Variants in ZFHX3 observed in about 807,000 individuals in gnomAD.
The protein encoded by ZFHX3 is zinc finger homeobox 3, also known as zinc finger homeobox protein 3.
A neutral mutation model predicts 279.1 loss-of-function variants in ZFHX3; 42 were observed. That is an observed-to-expected ratio of 0.15 (90% CI 0.12 to 0.19). The LOEUF (loss-of-function observed/expected upper bound fraction) is 0.19. Among genes scored for constraint, ZFHX3 ranks in the 10% least tolerant of loss-of-function variants. ZFHX3 has a pLI of 1.00. For synonymous variants in ZFHX3, 2,293 were observed against 1,957.8 expected (o/e 1.17, Z -4.52); for missense variants, 4,981 against 4,754.0 (o/e 1.05, Z -1.40).
At chr16:73,388,120 G>A (rs1447970084) in intron 3 of ZFHX3, among the ~76,000 whole-genome samples, 3 of 152,090 alleles carry the variant, frequency 2.0e-5, no homozygotes, top group Admixed American at 6.5e-5. Flanking sequence ...GAAGCAATGC[G>A]GCAGGCTATT....
chr16:73,657,869 T>A (rs2052738550), intron 2 of ZFHX3, among the ~76,000 whole-genome samples: 1 of 152,230 alleles, frequency 6.6e-6, no homozygotes, highest in African/African-American at 2.4e-5. Flanking sequence ...ATTTGAGCTG[T>A]TTCCACCTTT....
chr16:73,687,439 G>A (rs2053100782), intron 1 of ZFHX3, among the ~76,000 whole-genome samples: 1 of 151,728 alleles, frequency 6.6e-6, no homozygotes, highest in African/African-American at 2.4e-5. Flanking sequence ...AATTTATCCT[G>A]TGTTGTTACA....
intron 3 of ZFHX3, among the ~76,000 whole-genome samples, chr16:73,437,641 A>G (rs1459823703): frequency 6.6e-6 from 1 of 152,078 alleles, no homozygotes; most frequent in Non-Finnish European, 1.5e-5. Context: ...TGACATTTAC[A>G]TTTCATTCCA....
chr16:73,643,402 T>TA (rs1300801058), intron 2 of ZFHX3, among the ~76,000 whole-genome samples: 4 of 152,212 alleles, frequency 2.6e-5, no homozygotes, highest in Non-Finnish European at 5.9e-5. Context: ...TTATAACCAG[T>TA]ATCCAAAGAC....
intron 5 of ZFHX3, among the ~76,000 whole-genome samples, chr16:73,177,167 C>G (rs565878038): frequency 7.1e-6 from 1 of 140,088 alleles, no homozygotes; most frequent in African/African-American, 2.7e-5. Context: ...ACCAACCAAC[C>G]AACCAGCCAA....
At chr16:73,159,108 A>C (rs1377024209) in intron 5 of ZFHX3, among the ~76,000 whole-genome samples, 1 of 152,238 alleles carries the variant, frequency 6.6e-6, no homozygotes, top group Non-Finnish European at 1.5e-5. Flanking sequence ...GAGCATCTGC[A>C]CAACAAAAGA....
chr16:73,767,102 A>G (rs1173920723), intron 1 of ZFHX3, among the ~76,000 whole-genome samples: 1 of 151,814 alleles, frequency 6.6e-6, no homozygotes, highest in Admixed American at 6.6e-5. Context: ...CGCCTGGCTC[A>G]TTTTTTGTAT....
At chr16:73,606,035 T>C (rs1451484426) in intron 2 of ZFHX3, among the ~76,000 whole-genome samples, 1 of 151,218 alleles carries the variant, frequency 6.6e-6, no homozygotes, top group Non-Finnish European at 1.5e-5. Flanking sequence ...TACAAAAAAT[T>C]ACCCCGGCGT....
In ZFHX3 at chr16:72,978,456, C is replaced by A. The variant is rs934214668; in HGVS notation, c.-49-18262G>T. On this transcript the variant is annotated intron_variant, in intron 1 of 9. Coordinates refer to ENST00000268489, the MANE Select transcript of ZFHX3 (RefSeq NM_006885.4). Reference sequence around the variant, plus strand: ...GGAAATTCCATTAGAAGAAAACTTGCAGGCCATAAGCCTCAACTTCCCAGC... The same window carrying A: ...GGAAATTCCATTAGAAGAAAACTTGAAGGCCATAAGCCTCAACTTCCCAGC... Among the ~76,000 whole-genome samples, 3 of 152,148 alleles carry A rather than the reference C, an allele frequency of 2.0e-5. No individual in the cohort carries two copies. In the East Asian group the frequency reaches 5.8e-4, roughly 29 times the overall value.
intron 5 of ZFHX3, among the ~76,000 whole-genome samples, chr16:73,184,776 A>G (rs1358015291): frequency 1.3e-5 from 2 of 152,214 alleles, no homozygotes; most frequent in Non-Finnish European, 2.9e-5. Flanking sequence ...TGGGAGAAAA[A>G]AAATGTCAAA....
chr16:73,665,414 A>C (rs1271600102), intron 2 of ZFHX3, among the ~76,000 whole-genome samples: 1 of 151,728 alleles, frequency 6.6e-6, no homozygotes, highest in Non-Finnish European at 1.5e-5. Context: ...GGGTTCCACC[A>C]TGTTGGCCAG....
At chr16:73,036,991 T>C (rs1006268232) in intron 1 of ZFHX3, among the ~76,000 whole-genome samples, 82 of 152,076 alleles carry the variant, frequency 5.4e-4, no homozygotes, top group African/African-American at 2.0e-3. Context: ...CATCCAAAAA[T>C]CAGAAGAACT....
intron 2 of ZFHX3, among the ~76,000 whole-genome samples, chr16:73,493,842 T>TCCATGTCATCTGGCACTCTGTC (rs368918476): frequency 0.017 from 2,608 of 152,144 alleles, 81 homozygotes; most frequent in African/African-American, 0.06. Context: ...TTCCCCATCT[T>TCCATGTCATCTGGCACTCTGTC]CCATGTCATC....
chr16:72,805,912 G>A (rs2036250264), intron 7 of ZFHX3: 1 of 150,632 alleles, frequency 6.6e-6, no homozygotes, highest in South Asian at 2.1e-4. Flanking sequence ...TTTTTTTTGA[G>A]ATAGTCTCAC....
rs193247065 is a variant in ZFHX3, at chr16:73,357,155, T to C, written c.-1290-38819A>G. On this transcript the variant is annotated intron_variant, in intron 3 of 17. Coordinates refer to the ZFHX3 transcript ENST00000641206. ...AGATGATTTCTCAAATTTTTGTCTCTGGTTCTATTTCTGGGAAAACCCAGA... is the reference window on the plus strand; with the variant it reads ...AGATGATTTCTCAAATTTTTGTCTCCGGTTCTATTTCTGGGAAAACCCAGA... Among the ~76,000 whole-genome samples the C allele has an allele frequency of 3.3e-5, 5 of 152,130 alleles. No homozygotes were observed. The East Asian group carries it at 9.6e-4, about 29-fold the overall frequency.
intron 1 of ZFHX3, among the ~76,000 whole-genome samples, chr16:73,769,673 CTTCT>C (rs1338000673): frequency 2.0e-5 from 3 of 152,132 alleles, no homozygotes; most frequent in African/African-American, 7.2e-5. Context: ...ACTGAAACTA[CTTCT>C]TTATTGAAGC....
intron 4 of ZFHX3, among the ~76,000 whole-genome samples, chr16:73,276,177 CT>C (rs529830146): frequency 0.16 from 21,885 of 134,862 alleles, 1,225 homozygotes; most frequent in African/African-American, 0.22. Context: ...CTTTTTCTTT[CT>C]TTTTTTTTTT....
rs781610892 is a variant in ZFHX3, at chr16:72,794,048, C to T, written c.8634G>A (p.Ala2878=). ...CATACTCAGACATTGCCATCATGGC[C>T]GCTTTGGTCAACCCTTCGTTGGGTG... is the stretch of plus-strand genomic sequence containing the variant. ...SSAPNEGLTK[A]AMMAMSEYED... is the part of the protein sequence containing the mutation. The change falls in exon 9 of 10, where the codon GCG becomes GCA. Residue 2878 remains alanine (A), a synonymous_variant. Transcript: ENST00000268489. This position sits in a 1 kb window ranked among gnomAD's most constrained non-coding sequence, Gnocchi z 4.2. 45 of 1,614,202 alleles carry T rather than the reference C, an allele frequency of 2.8e-5. No homozygotes were observed. Among genetic ancestry groups the T allele is most frequent in the East Asian group, 4.5e-5 (2 of 44,874 alleles).
intron 3 of ZFHX3, among the ~76,000 whole-genome samples, chr16:72,906,838 T>C (rs1436705164): frequency 6.6e-6 from 1 of 151,938 alleles, no homozygotes; most frequent in Non-Finnish European, 1.5e-5. Context: ...CTGGGAAAAT[T>C]TTCTTTGAGC....
Sources: allele counts gnomAD v4.1 joint callset (sites outside exome capture counted in the v4.1 genomes callset), GRCh38; gene constraint gnomAD v4.1.1; non-coding constraint Gnocchi (gnomAD v3.1); transcripts MANE v1.5; gene names NCBI Gene and HGNC (gene_info 2026-07-23, HGNC 2026-07-21).